The following TENM4 variants were observed in gnomAD, a reference collection of about 807,000 sequenced individuals.
TENM4 encodes teneurin transmembrane protein 4.
In TENM4, 82 loss-of-function variants were observed where a neutral mutation model predicts 243.3. The ratio of observed to expected loss-of-function variants is 0.34; its 90% CI spans 0.28 to 0.40. The LOEUF (loss-of-function observed/expected upper bound fraction) is 0.40, where lower values mean the gene tolerates loss of function less well. TENM4 is among the 10% of genes least tolerant of loss of function. The pLI is 1.00. For missense variants in TENM4, 3,138 were observed against 3,673.3 expected (o/e 0.85, Z 3.77); for synonymous variants, 1,412 against 1,456.3 (o/e 0.97, Z 0.69).
intron 1 of TENM4, among the ~76,000 whole-genome samples, chr11:79,393,746 T>A (rs1858283791): frequency 6.6e-6 from 1 of 152,176 alleles, no homozygotes; most frequent in Non-Finnish European, 1.5e-5. Flanking sequence ...ACAATTTGTG[T>A]CATACACAAA....
chr11:79,236,066 A>T (rs1294817749), intron 2 of TENM4, among the ~76,000 whole-genome samples: 1 of 152,154 alleles, frequency 6.6e-6, no homozygotes, highest in East Asian at 1.9e-4. Context: ...TGTAGGAAGG[A>T]TACTCAGGGT....
intron 2 of TENM4, among the ~76,000 whole-genome samples, chr11:79,251,527 A>C (rs1003906675): frequency 6.6e-6 from 1 of 152,234 alleles, no homozygotes; most frequent in African/African-American, 2.4e-5. Context: ...CTGTAGGGTC[A>C]CTTTTATCAC....
chr11:78,668,215 C>A (rs1858209770), intron 32 of TENM4, among the ~76,000 whole-genome samples: 1 of 152,034 alleles, frequency 6.6e-6, no homozygotes. Context: ...CTTTTCCTGC[C>A]CTCTTTGGAT....
chr11:79,415,125 GTC>G (rs1858785782), intron 1 of TENM4, among the ~76,000 whole-genome samples: 1 of 152,206 alleles, frequency 6.6e-6, no homozygotes, highest in African/African-American at 2.4e-5. Flanking sequence ...CATTAAGACT[GTC>G]TCTCTCTTGT....
chr11:78,897,836 C>G (rs191814223), intron 7 of TENM4, among the ~76,000 whole-genome samples: 40 of 152,300 alleles, frequency 2.6e-4, no homozygotes, highest in African/African-American at 9.4e-4. Flanking sequence ...TGGAGACCAC[C>G]AGGATGGCCC....
chr11:78,844,727 G>A (rs888994536), intron 12 of TENM4, among the ~76,000 whole-genome samples: 7 of 152,018 alleles, frequency 4.6e-5, no homozygotes, highest in Non-Finnish European at 1.0e-4. Flanking sequence ...CGAGGACAAA[G>A]CAAGAAGGCG....
intron 1 of TENM4, among the ~76,000 whole-genome samples, chr11:79,349,050 A>G (rs1857373863): frequency 6.6e-6 from 1 of 152,132 alleles, no homozygotes; most frequent in Non-Finnish European, 1.5e-5. Flanking sequence ...TCAAAGGGGA[A>G]TGGCTTGCCC....
In TENM4 at chr11:78,853,003, G is replaced by A. The variant is rs477819; in HGVS notation, c.1681+1101C>T. On this transcript the variant is annotated intron_variant, in intron 12 of 33. Coordinates refer to ENST00000278550, the MANE Select transcript of TENM4 (RefSeq NM_001098816.3). ...TCCTGGTCTCAAGCAATCCTCCTGCGTCTGCCTCCCAAAGTGCTGAGATTA... is the reference window on the plus strand; with the variant it reads ...TCCTGGTCTCAAGCAATCCTCCTGCATCTGCCTCCCAAAGTGCTGAGATTA... Among the ~76,000 whole-genome samples the A allele has an allele frequency of 4.6e-5, 7 of 151,664 alleles. No homozygotes were observed. In the South Asian group the frequency reaches 1.0e-3, roughly 22 times the overall value.
intron 22 of TENM4, among the ~76,000 whole-genome samples, chr11:78,728,964 G>A (rs528937002): frequency 1.3e-5 from 2 of 151,674 alleles, no homozygotes; most frequent in Admixed American, 1.3e-4. Context: ...CATTTTTGAT[G>A]GAGGAAGAAT....
At chr11:79,287,948 G>C (rs1189983617) in intron 2 of TENM4, among the ~76,000 whole-genome samples, 1 of 151,438 alleles carries the variant, frequency 6.6e-6, no homozygotes, top group Non-Finnish European at 1.5e-5. Flanking sequence ...GGGATGCTTA[G>C]CTGAATATCT....
At chr11:79,227,690 CT>C (rs200297362) in intron 2 of TENM4, among the ~76,000 whole-genome samples, 6 of 152,112 alleles carry the variant, frequency 3.9e-5, no homozygotes, top group African/African-American at 9.7e-5. Flanking sequence ...TTGCATGGGA[CT>C]TTTTTTGCTG....
At position 78,880,488 on chromosome 11, in the gene TENM4, A is replaced by AAAAAAAAAAAG. The variant is rs1368857006; in HGVS notation, c.1084+9296_1084+9297insCTTTTTTTTTT. Among the ~76,000 whole-genome samples the AAAAAAAAAAAG allele has an allele frequency of 6.0e-4, 68 of 112,984 alleles. 1 individual carries two copies. The highest frequency in any genetic ancestry group is 1.7e-3 in the African/African-American group (50 of 28,884). 74.1% of individuals were successfully genotyped at this position (112,984 alleles called of 152,430 possible). A position where few individuals can be genotyped will look rare whatever the true frequency, so the allele number is the denominator to read the frequency against. On this transcript the variant is annotated intron_variant, in intron 9 of 33. Coordinates refer to ENST00000278550, the MANE Select transcript of TENM4 (RefSeq NM_001098816.3). ...AAAAAAAAAAAAAAAAAAAAAAAAAAAGAAAGAAAAAATGGCCTGTGAAAA... is the reference window on the plus strand; with the variant it reads ...AAAAAAAAAAAAAAAAAAAAAAAAAAAAAAAAAAAAGAGAAAGAAAAAATGGCCTGTGAAAA...
chr11:79,106,780 T>C (rs1861380347), intron 4 of TENM4, among the ~76,000 whole-genome samples: 1 of 152,216 alleles, frequency 6.6e-6, no homozygotes, highest in South Asian at 2.1e-4. Flanking sequence ...CTGACCCGCA[T>C]CTTCTGCTTT....
chr11:78,802,711 T>G (rs759622916), intron 15 of TENM4, among the ~76,000 whole-genome samples: 1 of 152,240 alleles, frequency 6.6e-6, no homozygotes, highest in Non-Finnish European at 1.5e-5. Flanking sequence ...GGGCTGCTGT[T>G]GCGCAGGGTG....
intron 6 of TENM4, among the ~76,000 whole-genome samples, chr11:78,992,784 T>C (rs1858078442): frequency 6.6e-6 from 1 of 152,220 alleles, no homozygotes; most frequent in Non-Finnish European, 1.5e-5. Context: ...ACTATCTGCG[T>C]GACCGGAGGC....
intron 2 of TENM4, among the ~76,000 whole-genome samples, chr11:79,296,713 A>G (rs1856460459): frequency 6.6e-6 from 1 of 152,154 alleles, no homozygotes; most frequent in Non-Finnish European, 1.5e-5. Flanking sequence ...CCCTTACTCA[A>G]GGTATGGCTT....
chr11:79,312,118 A>T (rs1565294403), intron 1 of TENM4, among the ~76,000 whole-genome samples: 1 of 151,968 alleles, frequency 6.6e-6, no homozygotes, highest in Non-Finnish European at 1.5e-5. Flanking sequence ...CTTCCCTATT[A>T]AGCTGGCCTT....
chr11:78,793,835 T>A (rs1857109310), intron 15 of TENM4, among the ~76,000 whole-genome samples: 1 of 152,210 alleles, frequency 6.6e-6, no homozygotes, highest in Admixed American at 6.5e-5. Flanking sequence ...GTGATTCACA[T>A]GATTTTTGGC....
chr11:78,722,787 G>A lies in TENM4; in HGVS notation c.3681C>T (p.Asn1227=), dbSNP rs572784761. The A allele has an allele frequency of 6.2e-7, 1 of 1,614,074 alleles. No homozygotes were observed. The highest frequency in any genetic ancestry group is 8.5e-7 in the Non-Finnish European group (1 of 1,179,892). ...CPSCNGLADG[N]KLLAPVALTC... ...TGAGGGCCACTGGGGCCAGGAGCTT[G>A]TTGCCGTCAGCAAGGCCGTTGCAGC... The change falls in exon 24 of 34, where the codon AAC becomes AAT. Residue 1227 remains asparagine, a synonymous_variant. Transcript: ENST00000278550.
Sources: gnomAD v4.1 joint callset for allele counts (sites outside exome capture counted in the v4.1 genomes callset) on GRCh38, gnomAD v4.1.1 for gene constraint, MANE v1.5 for transcripts, NCBI Gene and HGNC (gene_info 2026-07-23, HGNC 2026-07-21) for gene names.